Variants in RAN observed in about 807,000 individuals in gnomAD.
The protein encoded by RAN is GTP-binding nuclear protein Ran.
A neutral mutation model predicts 26.8 loss-of-function variants in RAN; 2 were observed. The ratio of observed to expected loss-of-function variants is 0.07; its 90% confidence interval spans 0.03 to 0.23. RAN has a LOEUF of 0.23. Among genes scored for constraint, RAN ranks in the 10% least tolerant of loss-of-function variants. RAN has a pLI of 1.00. For missense variants in RAN, 56 were observed against 264.8 expected (o/e 0.21, Z 5.47); for synonymous variants, 132 against 95.9 (o/e 1.38, Z -2.20).
intron 4 of RAN, 187 bp downstream of exon 4, chr12:130,873,315 C>T (rs1953173966): frequency 4.6e-6 from 3 of 646,276 alleles, no homozygotes. Flanking sequence ...GTGTCATTTG[C>T]ATGCTGTGTC....
At position 130,877,297 on chromosome 12, in the gene RAN, T is replaced by C. The variant is rs189774431; in HGVS notation, c.*1371T>C. 6.6e-6 allele frequency: 1 copy of C among 152,318 alleles called. No homozygotes were observed. The highest frequency in any genetic ancestry group is 6.5e-5 in the Admixed American group (1 of 15,286). 9.4% of individuals were successfully genotyped at this position (152,318 alleles called of 1,614,324 possible). A position where few individuals can be genotyped will look rare whatever the true frequency, so the allele number is the denominator to read the frequency against. Reference sequence around the variant, plus strand: ...AGGTATAGAAAGGATCACTTAAATATATGGAAAAATGAAATAAGGGTGAAG... The same window carrying C: ...AGGTATAGAAAGGATCACTTAAATACATGGAAAAATGAAATAAGGGTGAAG... On this transcript the variant is annotated 3_prime_UTR_variant, in exon 7 of 7. Transcript: ENST00000543796.
intron 1 of RAN, 31 bp from the exon 2 acceptor site, chr12:130,872,553 G>A (rs1260192521): frequency 9.1e-6 from 13 of 1,430,152 alleles, no homozygotes; most frequent in Non-Finnish European, 1.2e-5. Flanking sequence ...GGGGCCGCGC[G>A]AGCGCTCGCC....
At chr12:130,874,765 C>G (rs1436901325) in intron 5 of RAN, 32 bp downstream of exon 5, 6 of 1,543,040 alleles carry the variant, frequency 3.9e-6, no homozygotes, top group Admixed American at 1.7e-5. Context: ...TGAGTTATTT[C>G]TCTTAGCGGA....
intron 4 of RAN, chr12:130,873,504 C>T (rs1282244808): frequency 4.3e-6 from 1 of 234,688 alleles, no homozygotes; most frequent in South Asian, 5.2e-5. Context: ...ACACCAGATA[C>T]TAGACCAGAG....
chr12:130,873,325 CATGCT>C, intron 4 of RAN, 197 bp downstream of exon 4: 1 of 594,714 alleles, frequency 1.7e-6, no homozygotes, highest in South Asian at 2.0e-5. Context: ...CATGCTGTGT[CATGCT>C]AGGCATGCTT....
At position 130,872,812 on chromosome 12, in the gene RAN, C is replaced by T. The variant is rs772374385; in HGVS notation, c.37-24C>T. The stretch of plus-strand genomic sequence containing the variant: ...TGAGAGGTGAAGTGTTTAGGGTTTA[C>T]TTCCAAAATGTGTTTTTCAACAGCT... On this transcript the variant is annotated intron_variant, in intron 2 of 6. Coordinates refer to ENST00000543796, the MANE Select transcript of RAN (RefSeq NM_006325.5). 6.2e-6 allele frequency: 10 copies of T among 1,613,308 alleles called. No individual in the cohort carries two copies. In the South Asian group the frequency reaches 7.7e-5, roughly 12 times the overall value.
chr12:130,875,538 T>A, intron 5 of RAN, 74 bp from the exon 6 acceptor site: 1 of 1,320,012 alleles, frequency 7.6e-7, no homozygotes, highest in South Asian at 1.5e-5. Flanking sequence ...CATTTTCTTA[T>A]CTTGCAATGT....
intron 2 of RAN, 93 bp from the exon 3 acceptor site, chr12:130,872,743 T>G: frequency 1.3e-6 from 2 of 1,574,776 alleles, no homozygotes; most frequent in Non-Finnish European, 1.7e-6. Flanking sequence ...ATTCTTTGTT[T>G]TAAGTGAGCC....
intron 5 of RAN, 89 bp from the exon 6 acceptor site, chr12:130,875,523 C>A: frequency 8.0e-7 from 1 of 1,257,010 alleles, no homozygotes; most frequent in Non-Finnish European, 1.1e-6. Flanking sequence ...TGCCAAGAAT[C>A]TTAACATTTT....
chr12:130,874,156 A>AT (rs59236418), intron 4 of RAN: 41,907 of 198,822 alleles, frequency 0.21, 4,763 homozygotes, highest in African/African-American at 0.29. Context: ...GCCTATCTGG[A>AT]TTTTTTAAGA....
At chr12:130,872,414 C>A in intron 1 of RAN, 170 bp from the exon 2 acceptor site, 1 of 193,508 alleles carries the variant, frequency 5.2e-6, no homozygotes, top group South Asian at 1.7e-4. Flanking sequence ...CCCCGCCGCC[C>A]CGGATGCCGG....
chr12:130,875,212 T>C (rs1953216679), intron 5 of RAN, among the ~76,000 whole-genome samples: 1 of 152,098 alleles, frequency 6.6e-6, no homozygotes, highest in Non-Finnish European at 1.5e-5. Context: ...TCAGCTGAAA[T>C]GTTTGTGTAT....
rs371816272 is a variant in RAN at position 130,875,773 on chromosome 12, C to T, written c.597C>T (p.His199=). ...CAGCTTTGGCAGCACAGTATGAGCACGACTTAGAGGTATTGTGGCCACTTT... is the reference window on the plus strand; with the variant it reads ...CAGCTTTGGCAGCACAGTATGAGCATGACTTAGAGGTATTGTGGCCACTTT... ...MDPALAAQYE[H]DLEVAQTTAL... The change falls in exon 6 of 7, where the codon CAC becomes CAT. Residue 199 remains histidine, a synonymous_variant. Coordinates refer to ENST00000543796, the MANE Select transcript of RAN (RefSeq NM_006325.5). The T allele has an allele frequency of 6.9e-5, 111 of 1,613,886 alleles. 2 individuals carry two copies. The South Asian group carries it at 7.0e-4, about 10-fold the overall frequency.
intron 2 of RAN, 36 bp from the exon 3 acceptor site, chr12:130,872,800 G>A (rs1953164509): frequency 8.1e-6 from 13 of 1,608,460 alleles, no homozygotes; most frequent in Admixed American, 1.7e-5. Flanking sequence ...GAGGTGAAGT[G>A]TTTAGGGTTT....
At chr12:130,873,957 C>T (rs942571429) in intron 4 of RAN, 8 of 328,648 alleles carry the variant, frequency 2.4e-5, no homozygotes, top group Non-Finnish European at 2.5e-5. Flanking sequence ...AAGCCATCCT[C>T]TTACCTCAGC....
intron 4 of RAN, chr12:130,873,380 A>G: frequency 2.4e-6 from 1 of 422,048 alleles, no homozygotes; most frequent in South Asian, 2.4e-5. Flanking sequence ...TATAAGTCAT[A>G]TTTAAAACAA....
At chr12:130,874,820 G>A (rs1953208216) in intron 5 of RAN, 87 bp downstream of exon 5, 5 of 1,176,392 alleles carry the variant, frequency 4.3e-6, no homozygotes, top group South Asian at 1.6e-5. Context: ...TATTATATAT[G>A]GAAATGATTT....
chr12:130,874,108 CAA>C, intron 4 of RAN: 1 of 283,666 alleles, frequency 3.5e-6, no homozygotes, highest in Non-Finnish European at 7.4e-6. Context: ...CTCAGCCTCT[CAA>C]AGTGCTGGGA....
Position 130,875,680 on chromosome 12 carries a change from C to G in RAN, c.504C>G (p.Leu168=), listed in dbSNP as rs1185482149. 6.2e-7 allele frequency: 1 copy of G among 1,613,892 alleles called. No homozygotes were observed. The highest frequency in any genetic ancestry group is 8.5e-7 in the Non-Finnish European group (1 of 1,179,896). Residue 168 remains leucine, a synonymous_variant, in exon 6 of 7, where the codon CTC becomes CTG. Transcript: ENST00000543796. The part of the protein sequence containing the change: ...EKPFLWLARK[L]IGDPNLEFVA... ...CCTTCCTCTGGCTTGCTAGGAAGCT[C>G]ATTGGAGACCCTAACTTGGAATTTG... is the stretch of plus-strand genomic sequence containing the variant.
Sources: gnomAD v4.1 joint callset for allele counts (sites outside exome capture counted in the v4.1 genomes callset) on GRCh38, gnomAD v4.1.1 for gene constraint, MANE v1.5 for transcripts, NCBI Gene and HGNC (gene_info 2026-07-23, HGNC 2026-07-21) for gene names.